Variants in TAFA1 observed in about 807,000 individuals in gnomAD.
TAFA1 encodes the protein chemokine-like protein TAFA-1.
TAFA1 carries 4 observed loss-of-function variants against 18.5 expected under a neutral mutation model. The ratio of observed to expected loss-of-function variants is 0.22; its 90% CI spans 0.11 to 0.49. TAFA1 has a LOEUF of 0.49. Among genes scored for constraint, TAFA1 ranks in the 20% least tolerant of loss-of-function variants. The pLI is 0.98. For missense variants in TAFA1, 147 were observed against 169.0 expected (o/e 0.87, Z 0.72); for synonymous variants, 56 against 55.2 (o/e 1.01, Z -0.06).
chr3:68,319,362 G>A (rs1478331883), intron 2 of TAFA1, among the ~76,000 whole-genome samples: 4 of 152,138 alleles, frequency 2.6e-5, no homozygotes, highest in Admixed American at 6.5e-5. Flanking sequence ...CCACCCCAGG[G>A]ACATTTGACA....
At chr3:68,465,316 T>C (rs989366607) in intron 3 of TAFA1, among the ~76,000 whole-genome samples, 3 of 152,154 alleles carry the variant, frequency 2.0e-5, no homozygotes, top group Non-Finnish European at 2.9e-5. Flanking sequence ...GATCACAGAT[T>C]AGAAAGACAG....
intron 3 of TAFA1, among the ~76,000 whole-genome samples, chr3:68,428,753 G>T (rs879830135): frequency 6.6e-6 from 1 of 151,832 alleles, no homozygotes; most frequent in Non-Finnish European, 1.5e-5. Context: ...TATTACTTAG[G>T]CTTATAAAAT....
rs372692214 is a variant in TAFA1 at position 68,092,376 on chromosome 3, G to A, written c.118+85632G>A. Among the ~76,000 whole-genome samples, 11 of 152,108 alleles carry A rather than the reference G, an allele frequency of 7.2e-5. 1 individual carries two copies. In the South Asian group the frequency reaches 8.3e-4, roughly 11 times the overall value. On this transcript the variant is annotated intron_variant, in intron 2 of 4. Coordinates refer to ENST00000478136, the MANE Select transcript of TAFA1 (RefSeq NM_213609.4). ...CTTGTTATAGAGAAAAAGTCAGAAA[G>A]ATCTAGAAGCCTAAGTGGTATTTAG...
intron 2 of TAFA1, among the ~76,000 whole-genome samples, chr3:68,234,056 A>G (rs113296393): frequency 3.3e-5 from 5 of 152,332 alleles, no homozygotes; most frequent in African/African-American, 1.2e-4. Flanking sequence ...GCTTTGCTGA[A>G]TATCACCGTA....
intron 2 of TAFA1, among the ~76,000 whole-genome samples, chr3:68,286,145 AT>A (rs1312981377): frequency 1.4e-3 from 212 of 152,276 alleles, no homozygotes; most frequent in African/African-American, 4.9e-3. Context: ...TGGGAGGCGG[AT>A]GCTGCAGTGG....
intron 2 of TAFA1, among the ~76,000 whole-genome samples, chr3:68,289,269 T>C (rs555788042): frequency 6.6e-6 from 1 of 152,340 alleles, no homozygotes; most frequent in East Asian, 1.9e-4. Flanking sequence ...GCACTTTCAC[T>C]CTTCTAATGG....
At chr3:68,510,417 T>C (rs1559699401) in intron 3 of TAFA1, among the ~76,000 whole-genome samples, 4 of 152,028 alleles carry the variant, frequency 2.6e-5, no homozygotes, top group Admixed American at 2.0e-4. Context: ...AATCATACCA[T>C]CTTGAACTAC....
intron 2 of TAFA1, among the ~76,000 whole-genome samples, chr3:68,007,325 T>C (rs574994847): frequency 6.6e-6 from 1 of 152,204 alleles, no homozygotes; most frequent in African/African-American, 2.4e-5. Context: ...CTGATTTTTG[T>C]TTTGTTTTGT....
intron 2 of TAFA1, among the ~76,000 whole-genome samples, chr3:68,024,834 A>ACACACACACAC (rs33967574): frequency 0.11 from 14,882 of 139,380 alleles, 983 homozygotes; most frequent in Non-Finnish European, 0.14. Context: ...CACACACACA[A>ACACACACACAC]TTATACATTG....
chr3:68,539,683 G>GT (rs1262272945), intron 4 of TAFA1, among the ~76,000 whole-genome samples: 1 of 20,288 alleles, frequency 4.9e-5, no homozygotes, highest in Non-Finnish European at 2.2e-4. Flanking sequence ...GTGTGTGGGG[G>GT]GGCATGGGGT....
At chr3:68,474,416 A>C (rs1327743082) in intron 3 of TAFA1, among the ~76,000 whole-genome samples, 1 of 152,096 alleles carries the variant, frequency 6.6e-6, no homozygotes. Context: ...CATTACTAAG[A>C]GCTATGGTGA....
chr3:68,336,958 G>A (rs552646785), intron 2 of TAFA1, among the ~76,000 whole-genome samples: 137 of 148,956 alleles, frequency 9.2e-4, no homozygotes, highest in African/African-American at 3.1e-3. Context: ...TCCTGACCTC[G>A]GTAATCCGCC....
intron 2 of TAFA1, among the ~76,000 whole-genome samples, chr3:68,293,328 T>C (rs138031882): frequency 1.3e-5 from 2 of 152,268 alleles, no homozygotes; most frequent in East Asian, 1.9e-4. Flanking sequence ...CAAACCACCA[T>C]GGCACATTAC....
At chr3:68,193,468 A>G (rs2066373998) in intron 2 of TAFA1, among the ~76,000 whole-genome samples, 1 of 151,768 alleles carries the variant, frequency 6.6e-6, no homozygotes, top group Non-Finnish European at 1.5e-5. Flanking sequence ...AAGAAAACAG[A>G]AAAGTCAGAT....
chr3:68,154,782 C>T (rs1209218503), intron 2 of TAFA1, among the ~76,000 whole-genome samples: 1 of 152,108 alleles, frequency 6.6e-6, no homozygotes, highest in Non-Finnish European at 1.5e-5. Context: ...CACACGCACC[C>T]CACACACTTC....
chr3:68,262,335 A>ATT (rs2067447438), intron 2 of TAFA1, among the ~76,000 whole-genome samples: 1 of 87,992 alleles, frequency 1.1e-5, no homozygotes, highest in Non-Finnish European at 2.2e-5. Flanking sequence ...ATATATATAT[A>ATT]TATATATATA....
chr3:68,013,570 T>C (rs1038804515), intron 2 of TAFA1, among the ~76,000 whole-genome samples: 5 of 152,156 alleles, frequency 3.3e-5, no homozygotes, highest in Non-Finnish European at 7.4e-5. Flanking sequence ...ACTTGGCAAA[T>C]AGGGAAAGGA....
intron 2 of TAFA1, among the ~76,000 whole-genome samples, chr3:68,031,269 G>C (rs974284626): frequency 6.6e-6 from 1 of 152,100 alleles, no homozygotes. Flanking sequence ...TTTGTATTGA[G>C]AAATTGATGT....
At chr3:68,103,156 G>A (rs2065167225) in intron 2 of TAFA1, among the ~76,000 whole-genome samples, 1 of 152,226 alleles carries the variant, frequency 6.6e-6, no homozygotes. Flanking sequence ...GGAGCCAGAG[G>A]TGAGGATGAG....
Sources: allele counts gnomAD v4.1 joint callset (sites outside exome capture counted in the v4.1 genomes callset), GRCh38; gene constraint gnomAD v4.1.1; transcripts MANE v1.5; gene names NCBI Gene and HGNC (gene_info 2026-07-23, HGNC 2026-07-21).